The following KLRC4 variants were observed in gnomAD, a reference collection of about 807,000 sequenced individuals.
KLRC4 encodes the protein killer cell lectin like receptor C4, also known as NKG2-F type II integral membrane protein.
KLRC4 carries 6 observed loss-of-function variants against 14.3 expected under a neutral mutation model. The ratio of observed to expected loss-of-function variants is 0.42; its 90% CI spans 0.23 to 0.83. KLRC4 has a LOEUF of 0.83. Among genes scored for constraint, KLRC4 ranks in the 40% least tolerant of loss-of-function variants. KLRC4 has a pLI of 0.29. For missense variants in KLRC4, 158 were observed against 179.4 expected, an observed-to-expected ratio of 0.88 and a Z score of 0.68; for synonymous variants, 53 against 60.5, an observed-to-expected ratio of 0.88 and a Z score of 0.57.
At position 10,408,976 on chromosome 12, in the gene KLRC4, C is replaced by T. The variant is rs766527974; in HGVS notation, c.222G>A (p.Glu74=). ...GGACAATGCAAATGATTCCTAGGAC[C>T]TCAGCAGTGAGCTTCTCTGGAGGTG... ...LLPPPEKLTA[E]VLGIICIVLM... The change falls in exon 2 of 4, where the codon GAG becomes GAA. Residue 74 remains glutamate, a synonymous_variant. Coordinates refer to ENST00000309384, the MANE Select transcript of KLRC4 (RefSeq NM_013431.2). The T allele has an allele frequency of 1.9e-6, 3 of 1,613,734 alleles. No individual in the cohort carries two copies. The highest frequency in any genetic ancestry group is 1.3e-5 in the African/African-American group (1 of 75,008).
In KLRC4 at chr12:10,407,503, G is replaced by A; in HGVS notation, c.*150C>T. 1.2e-6 allele frequency: 1 copy of A among 856,466 alleles called. No individual in the cohort carries two copies. Among genetic ancestry groups the A allele is most frequent in the Non-Finnish European group, 1.7e-6 (1 of 582,110 alleles). The allele number at this position is 856,466 out of a possible 1,614,324, so 53.1% of individuals were successfully genotyped here. A position where few individuals can be genotyped will look rare whatever the true frequency, so the allele number is the denominator to read the frequency against. ...CAGTATATGAATATAAAAATATTAT[G>A]AAGTCAGTTGAATACTACACAGACT... On this transcript the variant is annotated 3_prime_UTR_variant, in exon 4 of 4. Coordinates refer to ENST00000309384, the MANE Select transcript of KLRC4 (RefSeq NM_013431.2).
Position 10,409,302 on chromosome 12 carries a change from C to T in KLRC4, c.187+87G>A, listed in dbSNP as rs560780668. Reference sequence around the variant, plus strand: ...CTTTGACCTCTGATTCTCACAAGTGCAAAATATTCCCTAATCTTTCCCCAC... The same window carrying T: ...CTTTGACCTCTGATTCTCACAAGTGTAAAATATTCCCTAATCTTTCCCCAC... On this transcript the variant is annotated intron_variant, in intron 1 of 3. Transcript: ENST00000309384. 7 of 1,354,580 alleles carry T rather than the reference C, an allele frequency of 5.2e-6. No homozygotes were observed. In the East Asian group the frequency reaches 6.9e-5, roughly 13 times the overall value. 83.9% of individuals were successfully genotyped at this position (1,354,580 alleles called of 1,614,324 possible).
chr12:10,409,321 TC>T (rs1329726248), intron 1 of KLRC4, 67 bp downstream of exon 1: 13 of 1,461,912 alleles, frequency 8.9e-6, no homozygotes, highest in Non-Finnish European at 9.5e-7. Flanking sequence ...CCCTAATCTT[TC>T]CCCACCTTTC....
At position 10,409,505 on chromosome 12, in the gene KLRC4, A is replaced by C. The variant is rs759819621; in HGVS notation, c.71T>G (p.Leu24Arg). 6.2e-7 allele frequency: 1 copy of C among 1,613,888 alleles called. No homozygotes were observed. Among genetic ancestry groups the C allele is most frequent in the Non-Finnish European group, 8.5e-7 (1 of 1,179,932 alleles). ...TGAAATGGAGATTTTATTGCCCTTA[A>C]GTTTCCTTTGCTGCCTCTTTGGGTC... ...AQDPKRQQRK[L>R]KGNKISISGT... Residue 24 changes from leucine (L) to arginine (R), a missense_variant, in exon 1 of 4, where the codon CTT (leucine) becomes CGT (arginine). Physicochemically the swap from Leu to Arg is moderately radical, Grantham distance 102. Coordinates refer to ENST00000309384, the MANE Select transcript of KLRC4 (RefSeq NM_013431.2).
Position 10,408,904 on chromosome 12 carries a change from A to G in KLRC4, c.286+8T>C. The G allele has an allele frequency of 1.9e-6, 3 of 1,613,608 alleles. No homozygotes were observed. The highest frequency in any genetic ancestry group is 2.5e-6 in the Non-Finnish European group (3 of 1,179,632). Reference sequence around the variant, plus strand: ...AGTTCCCTTATAATCTTTCAAGAATATGCTTACAAGGAATAAGAACTATTG... The same window carrying G: ...AGTTCCCTTATAATCTTTCAAGAATGTGCTTACAAGGAATAAGAACTATTG... On this transcript the variant is annotated splice_region_variant and intron_variant, in intron 2 of 3. Coordinates refer to ENST00000309384, the MANE Select transcript of KLRC4 (RefSeq NM_013431.2).
rs575492284 is a variant in KLRC4, at chr12:10,407,607, A to G, written c.*46T>C. 2 of 1,591,236 alleles carry G rather than the reference A, an allele frequency of 1.3e-6. No homozygotes were observed. The highest frequency in any genetic ancestry group is 2.3e-5 in the South Asian group (2 of 87,398). ...ATGATATTGACAGAAATAAGCTTTT[A>G]GTAAAGTGTTGAAACATTTACGTCT... On this transcript the variant is annotated 3_prime_UTR_variant, in exon 4 of 4. Coordinates refer to ENST00000309384, the MANE Select transcript of KLRC4 (RefSeq NM_013431.2).
Position 10,409,507 on chromosome 12 carries a change from T to G in KLRC4, c.69A>C (p.Lys23Asn). The change falls in exon 1 of 4, where the codon AAA (lysine) becomes AAC (asparagine). Residue 23 changes from lysine to asparagine, a missense_variant. By Grantham distance (94) the Lys-to-Asn change is moderately conservative (BLOSUM62 0). Transcript: ENST00000309384. ...LAQDPKRQQR[K>N]LKGNKISISG... ...AAATGGAGATTTTATTGCCCTTAAG[T>G]TTCCTTTGCTGCCTCTTTGGGTCCT... 1 of 1,614,078 alleles carries G rather than the reference T, an allele frequency of 6.2e-7. No homozygotes were observed. Among genetic ancestry groups the G allele is most frequent in the Non-Finnish European group, 8.5e-7 (1 of 1,179,922 alleles).
Position 10,407,478 on chromosome 12 carries a change from C to T in KLRC4, c.*175G>A, listed in dbSNP as rs1342837867. 1 of 665,980 alleles carries T rather than the reference C, an allele frequency of 1.5e-6. No homozygotes were observed. 41.3% of individuals were successfully genotyped at this position (665,980 alleles called of 1,614,324 possible). On this transcript the variant is annotated 3_prime_UTR_variant, in exon 4 of 4. Coordinates refer to ENST00000309384, the MANE Select transcript of KLRC4 (RefSeq NM_013431.2). ...CTGGAAATAACCAAATGTGCATTAA[C>T]AGTATATGAATATAAAAATATTATG...
chr12:10,408,796 G>A (rs925710325), intron 2 of KLRC4, 116 bp downstream of exon 2: 5 of 1,265,208 alleles, frequency 4.0e-6, no homozygotes, highest in Non-Finnish European at 3.3e-6. Flanking sequence ...TTATCTTGGG[G>A]TTCAGAGATA....
chr12:10,409,102 T>C, intron 1 of KLRC4, 92 bp from the exon 2 acceptor site: 1 of 1,378,064 alleles, frequency 7.3e-7, no homozygotes, highest in Non-Finnish European at 1.0e-6. Context: ...CAGGAAAACA[T>C]AATGATAAAC....
chr12:10,407,587 A>AT lies in KLRC4; in HGVS notation c.*65dup, dbSNP rs1320811062. ...TATGGATGATTTCTACAAATATGAT[A>AT]TTGACAGAAATAAGCTTTTAGTAAA... On this transcript the variant is annotated 3_prime_UTR_variant, in exon 4 of 4. Transcript: ENST00000309384. 7.1e-6 allele frequency: 11 copies of AT among 1,547,910 alleles called. No homozygotes were observed. Among genetic ancestry groups the AT allele is most frequent in the Non-Finnish European group, 9.7e-6 (11 of 1,138,420 alleles).
chr12:10,409,353 A>G (rs1334606836), intron 1 of KLRC4, 36 bp downstream of exon 1: 2 of 1,582,026 alleles, frequency 1.3e-6, no homozygotes, highest in Admixed American at 1.7e-5. Flanking sequence ...TGCACATCCT[A>G]GAACAATAAT....
chr12:10,407,469 G>A lies in KLRC4; in HGVS notation c.*184C>T. On this transcript the variant is annotated 3_prime_UTR_variant, in exon 4 of 4. Transcript: ENST00000309384. ...AAAGCAAAACTGGAAATAACCAAATGTGCATTAACAGTATATGAATATAAA... is the reference window on the plus strand; with the variant it reads ...AAAGCAAAACTGGAAATAACCAAATATGCATTAACAGTATATGAATATAAA... The A allele has an allele frequency of 3.2e-6, 2 of 619,772 alleles. No homozygotes were observed. Among genetic ancestry groups the A allele is most frequent in the East Asian group, 3.1e-5 (1 of 31,762 alleles). The allele number at this position is 619,772 out of a possible 1,614,324, so 38.4% of individuals were successfully genotyped here. A position where few individuals can be genotyped will look rare whatever the true frequency, so the allele number is the denominator to read the frequency against.
In KLRC4 at chr12:10,407,557, A is replaced by G; in HGVS notation, c.*96T>C. 7.0e-7 allele frequency: 1 copy of G among 1,422,924 alleles called. No homozygotes were observed. The allele number at this position is 1,422,924 out of a possible 1,614,324, so 88.1% of individuals were successfully genotyped here. A position where few individuals can be genotyped will look rare whatever the true frequency, so the allele number is the denominator to read the frequency against. On this transcript the variant is annotated 3_prime_UTR_variant, in exon 4 of 4. Transcript: ENST00000309384. ...AAATATATGAAGTAAATATATGTAT[A>G]AACATATGGATGATTTCTACAAATA...
intron 1 of KLRC4, 86 bp from the exon 2 acceptor site, chr12:10,409,096 A>G: frequency 7.1e-7 from 1 of 1,412,262 alleles, no homozygotes; most frequent in Non-Finnish European, 9.9e-7. Context: ...CGTGCACAGG[A>G]AAACATAATG....
chr12:10,408,460 C>T (rs553392848), intron 2 of KLRC4, 78 bp from the exon 3 acceptor site: 1 of 715,810 alleles, frequency 1.4e-6, no homozygotes, highest in Admixed American at 2.9e-5. Context: ...CTTTGAAATA[C>T]AAAATTTAAA....
intron 1 of KLRC4, among the ~76,000 whole-genome samples, 189 bp downstream of exon 1, chr12:10,409,200 G>A (rs1234260519): frequency 2.6e-5 from 4 of 152,164 alleles, no homozygotes; most frequent in African/African-American, 7.2e-5. Flanking sequence ...TCCATGAGTT[G>A]TTAATCACAA....
chr12:10,409,556 G>T lies in KLRC4; in HGVS notation c.20C>A (p.Thr7Asn). The T allele has an allele frequency of 6.2e-7, 1 of 1,612,736 alleles. No individual in the cohort carries two copies. The highest frequency in any genetic ancestry group is 8.5e-7 in the Non-Finnish European group (1 of 1,179,584). Residue 7 changes from threonine to asparagine, a missense_variant, in exon 1 of 4, where the codon ACC (threonine) becomes AAC (asparagine). Transcript: ENST00000309384. MNKQRG[T>N]YSEVSLAQDP... ...CTGGGCCAGACTCACTTCTGAGTAGGTTCCTCTTTGTTTATTCATCTCTGC... is the reference window on the plus strand; with the variant it reads ...CTGGGCCAGACTCACTTCTGAGTAGTTTCCTCTTTGTTTATTCATCTCTGC...
chr12:10,408,593 C>G (rs1293482821), intron 2 of KLRC4, among the ~76,000 whole-genome samples: 1 of 152,032 alleles, frequency 6.6e-6, no homozygotes, highest in East Asian at 1.9e-4. Context: ...AGTATTTGAT[C>G]TAACCACTTT....
Sources: allele counts gnomAD v4.1 joint callset (sites outside exome capture counted in the v4.1 genomes callset), GRCh38; gene constraint gnomAD v4.1.1; transcripts MANE v1.5; gene names NCBI Gene and HGNC (gene_info 2026-07-23, HGNC 2026-07-21).